The following PRKAR2B variants were observed in gnomAD, a reference collection of about 807,000 sequenced individuals.
The protein encoded by PRKAR2B is protein kinase cAMP-dependent type II regulatory subunit beta, also known as cAMP-dependent protein kinase type II-beta regulatory subunit.
A neutral mutation model predicts 49.9 loss-of-function variants in PRKAR2B; 14 were observed. That is an observed-to-expected ratio of 0.28 (90% CI 0.19 to 0.44). The LOEUF is 0.44. Ranked by LOEUF, PRKAR2B falls within the 20% of genes least tolerant of loss-of-function variation. The pLI, the probability that PRKAR2B is intolerant of heterozygous loss-of-function variation, is 1.00. For missense variants in PRKAR2B, 393 were observed against 537.9 expected (o/e 0.73, Z 2.67); for synonymous variants, 196 against 197.7 (o/e 0.99, Z 0.07).
At chr7:107,092,569 A>G (rs1356362207) in intron 2 of PRKAR2B, among the ~76,000 whole-genome samples, 1 of 152,128 alleles carries the variant, frequency 6.6e-6, no homozygotes, top group Admixed American at 6.5e-5. Context: ...TAAACCTACT[A>G]ACAATTCAGT....
At chr7:107,094,551 C>T (rs1428539182) in intron 2 of PRKAR2B, among the ~76,000 whole-genome samples, 1 of 152,094 alleles carries the variant, frequency 6.6e-6, no homozygotes, top group Non-Finnish European at 1.5e-5. Context: ...GTTGCCATTG[C>T]TTTTGGTGTT....
At chr7:107,130,536 A>T (rs1397273328) in intron 4 of PRKAR2B, among the ~76,000 whole-genome samples, 1 of 152,086 alleles carries the variant, frequency 6.6e-6, no homozygotes, top group African/African-American at 2.4e-5. Flanking sequence ...AAAAATAAAA[A>T]AAAGTTATGC....
chr7:107,049,269 G>C (rs2116744603), intron 1 of PRKAR2B, among the ~76,000 whole-genome samples: 1 of 152,326 alleles, frequency 6.6e-6, no homozygotes, highest in South Asian at 2.1e-4. Flanking sequence ...GGCACATGCA[G>C]AGCAGTCAAC....
chr7:107,106,136 A>G (rs1795068317), intron 2 of PRKAR2B, among the ~76,000 whole-genome samples: 1 of 152,172 alleles, frequency 6.6e-6, no homozygotes, highest in East Asian at 1.9e-4. Flanking sequence ...CAGCCCTGGA[A>G]CAGAGAGGGA....
At chr7:107,080,867 G>C (rs1236410907) in intron 2 of PRKAR2B, among the ~76,000 whole-genome samples, 1 of 152,164 alleles carries the variant, frequency 6.6e-6, no homozygotes, top group African/African-American at 2.4e-5. Flanking sequence ...ACCCAGGGCA[G>C]GCAGATACAG....
chr7:107,068,341 C>T, intron 1 of PRKAR2B, among the ~76,000 whole-genome samples: 1 of 152,102 alleles, frequency 6.6e-6, no homozygotes, highest in East Asian at 1.9e-4. Flanking sequence ...TAACCTTCAT[C>T]TTGCCTATAT....
At chr7:107,109,482 C>CA (rs1480565106) in intron 2 of PRKAR2B, among the ~76,000 whole-genome samples, 3 of 150,092 alleles carry the variant, frequency 2.0e-5, no homozygotes, top group African/African-American at 7.4e-5. Flanking sequence ...AGACTGGTCT[C>CA]AAACACCTGG....
chr7:107,064,534 CA>C (rs1794094345), intron 1 of PRKAR2B, among the ~76,000 whole-genome samples: 1 of 152,180 alleles, frequency 6.6e-6, no homozygotes, highest in African/African-American at 2.4e-5. Flanking sequence ...GCTGGCTTCT[CA>C]AACAGCTCCC....
intron 8 of PRKAR2B, 26 bp downstream of exon 8, chr7:107,153,277 GT>G (rs1419713258): frequency 4.5e-6 from 7 of 1,542,868 alleles, no homozygotes; most frequent in Non-Finnish European, 6.2e-6. Context: ...ATGTAATTCA[GT>G]TTAGGGTTAT....
chr7:107,102,988 A>G (rs1165697466), intron 2 of PRKAR2B, among the ~76,000 whole-genome samples: 1 of 152,196 alleles, frequency 6.6e-6, no homozygotes, highest in East Asian at 1.9e-4. Flanking sequence ...ATAGTTTTTC[A>G]AAATATATTA....
In PRKAR2B at chr7:107,081,359, A is replaced by C. The variant is rs112533178; in HGVS notation, c.343+11043A>C. ...AAGCAAATTGATCCACCTTTTAAAA[A>C]TCTAAACTGATATTTTAAACAGGTG... is the stretch of plus-strand genomic sequence containing the variant. On this transcript the variant is annotated intron_variant, in intron 2 of 10. Transcript: ENST00000265717. Among the ~76,000 whole-genome samples the C allele has an allele frequency of 6.6e-5, 10 of 152,248 alleles. 3 individuals carry two copies. The highest frequency in any genetic ancestry group is 2.4e-4 in the African/African-American group (10 of 41,552).
intron 4 of PRKAR2B, among the ~76,000 whole-genome samples, chr7:107,132,438 G>C (rs1257207569): frequency 6.6e-6 from 1 of 152,200 alleles, no homozygotes; most frequent in African/African-American, 2.4e-5. Context: ...TGGAGTTAAA[G>C]AGGGGAGAAA....
At chr7:107,158,261 A>G (rs1344463632) in intron 10 of PRKAR2B, among the ~76,000 whole-genome samples, 2 of 115,336 alleles carry the variant, frequency 1.7e-5, no homozygotes. Context: ...AGTCTATTAG[A>G]AAGAGTAAAG....
At chr7:107,072,420 T>G (rs937067161) in intron 2 of PRKAR2B, among the ~76,000 whole-genome samples, 6 of 152,160 alleles carry the variant, frequency 3.9e-5, no homozygotes, top group African/African-American at 7.2e-5. Context: ...TCAGGCACTG[T>G]GCTAAGCATT....
At chr7:107,054,176 C>T (rs1028820924) in intron 1 of PRKAR2B, among the ~76,000 whole-genome samples, 3 of 152,016 alleles carry the variant, frequency 2.0e-5, no homozygotes, top group Admixed American at 6.6e-5. Context: ...GGTGAAACCC[C>T]GTCTCTACTA....
At chr7:107,080,868 G>T (rs1024218961) in intron 2 of PRKAR2B, among the ~76,000 whole-genome samples, 1 of 152,144 alleles carries the variant, frequency 6.6e-6, no homozygotes, top group African/African-American at 2.4e-5. Context: ...CCCAGGGCAG[G>T]CAGATACAGT....
chr7:107,093,119 C>T (rs576487116), intron 2 of PRKAR2B, among the ~76,000 whole-genome samples: 6 of 152,304 alleles, frequency 3.9e-5, no homozygotes, highest in African/African-American at 1.4e-4. Context: ...ATTCATTCAT[C>T]TGTTGATGGA....
chr7:107,094,480 T>C (rs1305862046), intron 2 of PRKAR2B, among the ~76,000 whole-genome samples: 38 of 152,238 alleles, frequency 2.5e-4, no homozygotes, highest in Admixed American at 2.5e-3. Flanking sequence ...TGATGGTAGT[T>C]TCTTTTGCTG....
At chr7:107,053,405 C>T (rs1208991975) in intron 1 of PRKAR2B, among the ~76,000 whole-genome samples, 1 of 152,112 alleles carries the variant, frequency 6.6e-6, no homozygotes, top group Non-Finnish European at 1.5e-5. Flanking sequence ...TTTTGGCATA[C>T]ATGAACCCCG....
Sources: allele counts gnomAD v4.1 joint callset (sites outside exome capture counted in the v4.1 genomes callset), GRCh38; gene constraint gnomAD v4.1.1; transcripts MANE v1.5; gene names NCBI Gene and HGNC (gene_info 2026-07-23, HGNC 2026-07-21).